CNTN6: variants seen among roughly 807,000 people sequenced by gnomAD.
The protein encoded by CNTN6 is contactin 6.
A neutral mutation model predicts 122.8 loss-of-function variants in CNTN6; 137 were observed. The observed-to-expected ratio is 1.12, with a 90% confidence interval of 0.97 to 1.29. The LOEUF (loss-of-function observed/expected upper bound fraction) is 1.29. Ranked by LOEUF, CNTN6 falls within the 50% of genes most tolerant of loss-of-function variation. The probability of loss-of-function intolerance (pLI) is 0.00; values close to 1 mark genes in which losing one functional copy is unlikely to be tolerated. For synonymous variants in CNTN6, 570 were observed against 426.0 expected (o/e 1.34, Z -4.16); for missense variants, 1,634 against 1,223.4 (o/e 1.34, Z -5.01).
intron 4 of CNTN6, among the ~76,000 whole-genome samples, chr3:1,250,295 A>C (rs998639520): frequency 2.0e-5 from 3 of 152,200 alleles, no homozygotes; most frequent in Admixed American, 2.0e-4. Context: ...AGCATGTCCC[A>C]GGTGGCAGAT....
intron 2 of CNTN6, among the ~76,000 whole-genome samples, chr3:1,168,514 G>A (rs191921476): frequency 9.9e-5 from 15 of 151,362 alleles, no homozygotes; most frequent in Non-Finnish European, 1.5e-4. Context: ...ACTGTTCTAA[G>A]CACTGACTAA....
intron 12 of CNTN6, among the ~76,000 whole-genome samples, chr3:1,362,945 A>G (rs1707686271): frequency 6.6e-6 from 1 of 151,962 alleles, no homozygotes; most frequent in Non-Finnish European, 1.5e-5. Flanking sequence ...ATAACAAAGA[A>G]AAAAGGAACC....
intron 4 of CNTN6, among the ~76,000 whole-genome samples, chr3:1,248,585 C>G (rs1367026195): frequency 6.6e-6 from 1 of 151,944 alleles, no homozygotes; most frequent in African/African-American, 2.4e-5. Context: ...TTTAGGAGGC[C>G]AAGGTGGGTG....
chr3:1,245,336 A>C, intron 4 of CNTN6, among the ~76,000 whole-genome samples: 1 of 95,140 alleles, frequency 1.1e-5, no homozygotes, highest in Non-Finnish European at 2.1e-5. Context: ...ATATATATAT[A>C]GCATGGAATA....
chr3:1,122,374 GGA>G (rs1304502101), intron 1 of CNTN6, among the ~76,000 whole-genome samples: 25 of 149,050 alleles, frequency 1.7e-4, no homozygotes, highest in Non-Finnish European at 3.0e-4. Flanking sequence ...AAGGAAGGAA[GGA>G]AGGGAGGAAT....
intron 5 of CNTN6, among the ~76,000 whole-genome samples, chr3:1,289,946 T>C (rs899437310): frequency 6.6e-6 from 1 of 152,170 alleles, no homozygotes; most frequent in Non-Finnish European, 1.5e-5. Flanking sequence ...AGTGCTGGGA[T>C]TGCAGGCGTG....
At chr3:1,376,884 C>T in intron 16 of CNTN6, 121 bp from the exon 17 acceptor site, 1 of 612,438 alleles carries the variant, frequency 1.6e-6, no homozygotes, top group Admixed American at 3.0e-5. Context: ...ATTAAAAATG[C>T]AAGACTCTCT....
At chr3:1,351,550 AG>A (rs1226269201) in intron 11 of CNTN6, among the ~76,000 whole-genome samples, 2 of 70,282 alleles carry the variant, frequency 2.8e-5, no homozygotes, top group African/African-American at 5.8e-5. Flanking sequence ...AACAAATCTC[AG>A]GGTTTTTTTT....
rs576921392 is a variant in CNTN6, at chr3:1,376,957, G to T, written c.2096-48G>T. 122 of 1,263,986 alleles carry T rather than the reference G, an allele frequency of 9.7e-5. 1 individual carries two copies. The South Asian group carries it at 1.4e-3, about 15-fold the overall frequency. 78.3% of individuals were successfully genotyped at this position (1,263,986 alleles called of 1,614,324 possible). On this transcript the variant is annotated intron_variant, in intron 16 of 22. Transcript: ENST00000446702. Reference sequence around the variant, plus strand: ...CAAAAACAAAATTCTTCCTGATGAAGACGTACTTTAATAATTGCCATCCCA... The same window carrying T: ...CAAAAACAAAATTCTTCCTGATGAATACGTACTTTAATAATTGCCATCCCA...
chr3:1,355,164 G>C (rs138827831), intron 12 of CNTN6, among the ~76,000 whole-genome samples: 1 of 151,524 alleles, frequency 6.6e-6, no homozygotes, highest in Non-Finnish European at 1.5e-5. Flanking sequence ...GTGGACTTTG[G>C]GGTCTTTTGC....
chr3:1,385,788 A>C lies in CNTN6; in HGVS notation c.2695A>C (p.Lys899Gln). The C allele has an allele frequency of 6.2e-7, 1 of 1,609,084 alleles. No homozygotes were observed. The highest frequency in any genetic ancestry group is 8.5e-7 in the Non-Finnish European group (1 of 1,178,080). ...PSSPPVNVTT[K>Q]KSPPSQPPAN... ...AAGCCCCCCAGTCAATGTTACCACC[A>C]AAAAGTCTCGTAAGTATGCATACAC... is the stretch of plus-strand genomic sequence containing the variant. Residue 899 changes from lysine (K) to glutamine (Q), a missense_variant, in exon 20 of 23, where the codon AAA (lysine) becomes CAA (glutamine). Transcript: ENST00000446702.
chr3:1,136,988 G>C (rs1410092632), intron 1 of CNTN6, among the ~76,000 whole-genome samples: 1 of 151,990 alleles, frequency 6.6e-6, no homozygotes, highest in Non-Finnish European at 1.5e-5. Flanking sequence ...GCTTCTGTTG[G>C]GTATTTGAAA....
chr3:1,298,148 T>C, intron 7 of CNTN6, 157 bp downstream of exon 7: 1 of 583,804 alleles, frequency 1.7e-6, no homozygotes, highest in South Asian at 2.2e-5. Flanking sequence ...TAAACAAACA[T>C]GTCTAATACT....
intron 5 of CNTN6, among the ~76,000 whole-genome samples, chr3:1,292,569 T>G (rs775436276): frequency 2.0e-5 from 3 of 152,150 alleles, no homozygotes; most frequent in Non-Finnish European, 2.9e-5. Context: ...ACAAGCTTCT[T>G]TAGTGATTCT....
intron 1 of CNTN6, among the ~76,000 whole-genome samples, chr3:1,115,428 T>G (rs1355394042): frequency 6.6e-6 from 1 of 152,176 alleles, no homozygotes; most frequent in East Asian, 1.9e-4. Flanking sequence ...TTTAAAGCCT[T>G]TTTCAATCAT....
chr3:1,232,814 A>G (rs949116043), intron 4 of CNTN6, among the ~76,000 whole-genome samples: 1 of 152,220 alleles, frequency 6.6e-6, no homozygotes, highest in East Asian at 1.9e-4. Context: ...AGAAAAGGCA[A>G]GGGAAGCCTT....
chr3:1,266,284 A>C (rs535264660), intron 4 of CNTN6, among the ~76,000 whole-genome samples: 1 of 152,206 alleles, frequency 6.6e-6, no homozygotes, highest in African/African-American at 2.4e-5. Context: ...AGAAAGCTAC[A>C]AAGAAAATGC....
At chr3:1,201,052 G>A (rs1270394225) in intron 2 of CNTN6, among the ~76,000 whole-genome samples, 1 of 150,506 alleles carries the variant, frequency 6.6e-6, no homozygotes, top group Admixed American at 6.6e-5. Flanking sequence ...TCAGCCTCCT[G>A]AGTAGAGTAG....
intron 2 of CNTN6, among the ~76,000 whole-genome samples, chr3:1,160,586 C>G (rs9822340): frequency 1.7e-3 from 254 of 148,832 alleles, no homozygotes; most frequent in African/African-American, 5.8e-3. Context: ...GACCTAAGTG[C>G]TTTTAAAAGC....
Sources: allele counts gnomAD v4.1 joint callset (sites outside exome capture counted in the v4.1 genomes callset), GRCh38; gene constraint gnomAD v4.1.1; transcripts MANE v1.5; gene names NCBI Gene and HGNC (gene_info 2026-07-23, HGNC 2026-07-21).